COL6A2: variants seen among roughly 807,000 people sequenced by gnomAD.
COL6A2 encodes collagen type VI alpha 2 chain.
A neutral mutation model predicts 124.9 loss-of-function variants in COL6A2; 90 were observed. The ratio of observed to expected loss-of-function variants is 0.72; its 90% CI spans 0.61 to 0.86. COL6A2 has a LOEUF of 0.86. Among genes scored for constraint, COL6A2 ranks in the 40% least tolerant of loss-of-function variants. COL6A2 has a pLI of 0.00. For synonymous variants in COL6A2, 793 were observed against 618.2 expected (o/e 1.28, Z -4.19); for missense variants, 1,607 against 1,502.5 (o/e 1.07, Z -1.15).
At chr21:46,114,829 C>T (rs573275636) in intron 5 of COL6A2, among the ~76,000 whole-genome samples, 1 of 152,280 alleles carries the variant, frequency 6.6e-6, no homozygotes, top group African/African-American at 2.4e-5. Context: ...GAAACTCCAA[C>T]AATTCACATC....
At chr21:46,117,272 C>T in intron 10 of COL6A2, 128 bp from the exon 11 acceptor site, 1 of 931,056 alleles carries the variant, frequency 1.1e-6, no homozygotes, top group Non-Finnish European at 1.7e-6. Flanking sequence ...CTCATGTGGG[C>T]ACCCGTGTGC....
At chr21:46,119,223 C>T in intron 14 of COL6A2, 104 bp downstream of exon 14, 1 of 912,940 alleles carries the variant, frequency 1.1e-6, no homozygotes, top group Non-Finnish European at 1.7e-6. Context: ...GCAGGATCCC[C>T]TGCTGGCAAG....
rs2078672583 is a variant in COL6A2 at position 46,126,550 on chromosome 21, G to C, written c.2461+9G>C. 6.2e-7 allele frequency: 1 copy of C among 1,613,322 alleles called. No homozygotes were observed. Among genetic ancestry groups the C allele is most frequent in the African/African-American group, 1.3e-5 (1 of 74,916 alleles). ...CCTTCCCTGCCAAACAGGTAATGCA[G>C]GGCACCCTGAGCCACCACCCCAGAC... On this transcript the variant is annotated intron_variant, in intron 27 of 27. Transcript: ENST00000300527.
chr21:46,123,032 C>T (rs2078591797), intron 21 of COL6A2, 95 bp downstream of exon 21: 1 of 1,256,770 alleles, frequency 8.0e-7, no homozygotes, highest in Non-Finnish European at 1.2e-6. Context: ...AGGAGAACGC[C>T]AGGCAGCTTG....
intron 26 of COL6A2, 118 bp downstream of exon 26, chr21:46,126,355 C>T (rs541593845): frequency 2.0e-6 from 3 of 1,510,392 alleles, no homozygotes; most frequent in African/African-American, 1.4e-5. Flanking sequence ...GGATCTTGGG[C>T]TGTGGGTGGG....
intron 15 of COL6A2, among the ~76,000 whole-genome samples, chr21:46,120,125 C>CCCCACTGAGGCACCTCTCACACCCCCGG (rs2078539642): frequency 2.5e-5 from 2 of 81,370 alleles, no homozygotes; most frequent in Non-Finnish European, 4.9e-5. Flanking sequence ...ACCCCCCGGC[C>CCCCACTGAGGCACCTCTCACACCCCCGG]CCCACTGAGG....
chr21:46,119,230 C>G (rs2078523562), intron 14 of COL6A2, 111 bp downstream of exon 14: 3 of 842,538 alleles, frequency 3.6e-6, no homozygotes, highest in African/African-American at 3.3e-5. Context: ...CCCCTGCTGG[C>G]AAGGCACAGC....
chr21:46,119,597 C>T (rs1229496860), intron 14 of COL6A2, among the ~76,000 whole-genome samples, 191 bp from the exon 15 acceptor site: 4 of 152,352 alleles, frequency 2.6e-5, no homozygotes, highest in East Asian at 1.9e-4. Context: ...AGCAGAGGGA[C>T]GAGGGCTGGC....
chr21:46,127,240 G>A (rs745673721), intron 27 of COL6A2, among the ~76,000 whole-genome samples: 1 of 152,152 alleles, frequency 6.6e-6, no homozygotes, highest in East Asian at 1.9e-4. Context: ...TGGAGACAGG[G>A]TGGGAGGGTC....
intron 27 of COL6A2, chr21:46,129,086 A>C: frequency 5.0e-6 from 8 of 1,601,128 alleles, no homozygotes; most frequent in Non-Finnish European, 6.8e-6. Context: ...CCGACTCGCC[A>C]GCCCAAATGC....
At position 46,132,369 on chromosome 21, in the gene COL6A2, G is replaced by C. The variant is rs1274304291; in HGVS notation, c.2877G>C (p.Glu959Asp). 8 of 1,609,252 alleles carry C rather than the reference G, an allele frequency of 5.0e-6. No individual in the cohort carries two copies. The highest frequency in any genetic ancestry group is 5.9e-6 in the Non-Finnish European group (7 of 1,179,560). The change falls in exon 28 of 28, where the codon GAG becomes GAC. Residue 959 changes from glutamate (E) to aspartate (D), a missense_variant. By Grantham distance (45) the Glu-to-Asp change is conservative. This residue lies in a region of COL6A2 where 1,223 missense variants were observed against 1,052.2 expected (regional missense o/e 1.16). Transcript: ENST00000300527. ...DGVTGNDSLH[E>D]SAHSMRKQNV... ...TCACGGGCAACGACAGTCTGCACGA[G>C]TCGGCGCACTCCATGCGCAAGCAGA... is the stretch of plus-strand genomic sequence containing the variant.
intron 1 of COL6A2, among the ~76,000 whole-genome samples, chr21:46,101,808 G>A (rs898691467): frequency 1.4e-5 from 2 of 144,014 alleles, no homozygotes; most frequent in African/African-American, 5.1e-5. Flanking sequence ...TTTGAAATTA[G>A]GACATGTGAG....
At position 46,098,155 on chromosome 21, in the gene COL6A2, G is replaced by GGAGCCTCCTCGGGACCA. The variant is rs1429174551; in HGVS notation, c.-44_-28dup. On this transcript the variant is annotated 5_prime_UTR_variant, in exon 1 of 28. Coordinates refer to ENST00000300527, the MANE Select transcript of COL6A2 (RefSeq NM_001849.4). ...GCCCGCGCCTCGGGCCGTCGGGAGCGGAGCCTCCTCGGGACCAGGTGAGCG... is the reference window on the plus strand; with the variant it reads ...GCCCGCGCCTCGGGCCGTCGGGAGCGGAGCCTCCTCGGGACCAGAGCCTCCTCGGGACCAGGTGAGCG... The GGAGCCTCCTCGGGACCA allele has an allele frequency of 6.6e-6, 1 of 152,198 alleles. No individual in the cohort carries two copies. Among genetic ancestry groups the GGAGCCTCCTCGGGACCA allele is most frequent in the Admixed American group, 6.5e-5 (1 of 15,276 alleles). 9.4% of individuals were successfully genotyped at this position (152,198 alleles called of 1,614,324 possible). A position where few individuals can be genotyped will look rare whatever the true frequency, so the allele number is the denominator to read the frequency against.
At position 46,113,609 on chromosome 21, in the gene COL6A2, G is replaced by T. The variant is rs1208243512; in HGVS notation, c.736-399G>T. ...ATCGCTTTCGTATTGTTTTTTTGTA[G>T]AGATGGGATCTCACTATGTTGCCCA... On this transcript the variant is annotated intron_variant, in intron 4 of 27. Coordinates refer to ENST00000300527, the MANE Select transcript of COL6A2 (RefSeq NM_001849.4). The T allele has an allele frequency of 1.1e-5, 3 of 269,130 alleles. No homozygotes were observed. The East Asian group carries it at 2.7e-4, about 25-fold the overall frequency. The allele number at this position is 269,130 out of a possible 1,614,324, so 16.7% of individuals were successfully genotyped here.
rs751470018 is a variant in COL6A2, at chr21:46,132,551, A to AGCG, written c.3060_*2dup. On this transcript the variant is annotated inframe_insertion and stop_retained_variant, in exon 28 of 28. Coordinates refer to ENST00000300527, the MANE Select transcript of COL6A2 (RefSeq NM_001849.4). Reference sequence around the variant, plus strand: ...GACCGCTTCATCCGCTGGATCTGCTAGCGCCGCCGCCCGGGCCCCGCAGTC... The same window carrying AGCG: ...GACCGCTTCATCCGCTGGATCTGCTAGCGGCGCCGCCGCCCGGGCCCCGCAGTC... 6.3e-6 allele frequency: 10 copies of AGCG among 1,595,968 alleles called. No homozygotes were observed. In the East Asian group the frequency reaches 1.1e-4, roughly 18 times the overall value.
Position 46,119,790 on chromosome 21 carries a change from G to A in COL6A2, c.1272G>A (p.Gly424=). The change falls in exon 15 of 28, where the codon GGG becomes GGA. Residue 424 remains glycine (G), a splice_region_variant and synonymous_variant. Coordinates refer to ENST00000300527, the MANE Select transcript of COL6A2 (RefSeq NM_001849.4). ...ACCCACACGCCTGTTCTCTGCAGGG[G>A]CGCAGGGGAGACCCCGGCACCAAGG... The part of the protein sequence containing the change: ...PGPRGPKGEP[G]RRGDPGTKGS... 1.9e-6 allele frequency: 3 copies of A among 1,560,552 alleles called. No homozygotes were observed. Among genetic ancestry groups the A allele is most frequent in the African/African-American group, 1.3e-5 (1 of 74,142 alleles).
At chr21:46,118,578 C>CA in intron 12 of COL6A2, 36 bp from the exon 13 acceptor site, 2 of 1,609,810 alleles carry the variant, frequency 1.2e-6, no homozygotes, top group Non-Finnish European at 1.7e-6. Context: ...CTTCCCCTGC[C>CA]AAAAGACGTG....
intron 1 of COL6A2, among the ~76,000 whole-genome samples, chr21:46,105,758 T>C (rs2078329263): frequency 2.0e-5 from 3 of 152,086 alleles, no homozygotes; most frequent in Non-Finnish European, 4.4e-5. Context: ...GATTTAAATG[T>C]TTCACCATCA....
In COL6A2 at chr21:46,131,945, T is replaced by TC. The variant is rs797044699; in HGVS notation, c.2462-5dup. The TC allele has an allele frequency of 2.9e-4, 459 of 1,591,672 alleles. 2 individuals are homozygous for TC. In the African/African-American group the frequency reaches 5.1e-3, roughly 18 times the overall value. ...CCTCCGCCCAGCCCGCACCTGCGTCTCCCCACAGAGCTGTCCGTGGCACAG... is the reference window on the plus strand; with the variant it reads ...CCTCCGCCCAGCCCGCACCTGCGTCTCCCCCACAGAGCTGTCCGTGGCACAG... On this transcript the variant is annotated splice_polypyrimidine_tract_variant and intron_variant, in intron 27 of 27. Transcript: ENST00000300527.
Sources: allele counts gnomAD v4.1 joint callset (sites outside exome capture counted in the v4.1 genomes callset), GRCh38; gene constraint gnomAD v4.1.1; regional missense constraint gnomAD v4.1.1; transcripts MANE v1.5; gene names NCBI Gene and HGNC (gene_info 2026-07-23, HGNC 2026-07-21).